BAZ1B: variants seen among roughly 807,000 people sequenced by gnomAD.
BAZ1B encodes tyrosine-protein kinase BAZ1B.
A neutral mutation model predicts 153.8 loss-of-function variants in BAZ1B; 22 were observed. That is an observed-to-expected ratio of 0.14 (90% CI 0.10 to 0.20). BAZ1B has a LOEUF of 0.20. Among genes scored for constraint, BAZ1B ranks in the 10% least tolerant of loss-of-function variants. The pLI, the probability that BAZ1B is intolerant of heterozygous loss-of-function variation, is 1.00. For synonymous variants in BAZ1B, 676 were observed against 633.4 expected (o/e 1.07, Z -1.01); for missense variants, 1,325 against 1,799.3 (o/e 0.74, Z 4.77).
In BAZ1B at chr7:73,489,221, G is replaced by T; in HGVS notation, c.864C>A (p.Phe288Leu). ...TGTATGGATCAAGTAAAAAGTCACTGAACTTGCTGGGCAGAGAGTATTTCT... is the reference window on the plus strand; with the variant it reads ...TGTATGGATCAAGTAAAAAGTCACTTAACTTGCTGGGCAGAGAGTATTTCT... ...LVKKYSLPSKFSDFLLDPYKY... is the reference protein window; with the variant it reads ...LVKKYSLPSKLSDFLLDPYKY... Residue 288 changes from phenylalanine to leucine, a missense_variant, in exon 6 of 20, where the codon TTC becomes TTA. By Grantham distance (22) the Phe-to-Leu change is conservative. Transcript: ENST00000339594. 6.2e-7 allele frequency: 1 copy of T among 1,614,160 alleles called. No homozygotes were observed. The highest frequency in any genetic ancestry group is 1.1e-5 in the South Asian group (1 of 91,062).
intron 13 of BAZ1B, among the ~76,000 whole-genome samples, chr7:73,453,912 A>G (rs1490556601): frequency 6.6e-6 from 1 of 152,194 alleles, no homozygotes; most frequent in Non-Finnish European, 1.5e-5. Context: ...CAAGAGTTTG[A>G]GGCTGTAGTG....
chr7:73,510,705 G>C, intron 2 of BAZ1B, 31 bp downstream of exon 2: 1 of 1,571,394 alleles, frequency 6.4e-7, no homozygotes, highest in Non-Finnish European at 8.8e-7. Context: ...ATGTGAAGAT[G>C]GTGGCAAAGA....
At chr7:73,447,078 C>A (rs1554566843) in intron 16 of BAZ1B, among the ~76,000 whole-genome samples, 186 bp downstream of exon 16, 4 of 152,180 alleles carry the variant, frequency 2.6e-5, no homozygotes, top group African/African-American at 7.2e-5. Context: ...TCCCACCAGG[C>A]AGGAAGTTAA....
chr7:73,442,136 T>TAGC, intron 19 of BAZ1B, 45 bp downstream of exon 19: 1 of 573,490 alleles, frequency 1.7e-6, no homozygotes. Context: ...CTCGCTCGCC[T>TAGC]CCCTCCCACC....
intron 7 of BAZ1B, among the ~76,000 whole-genome samples, chr7:73,472,955 TA>T (rs112979847): frequency 3.5e-4 from 53 of 149,984 alleles, no homozygotes; most frequent in African/African-American, 1.2e-3. Flanking sequence ...TTTTTTTTTT[TA>T]AAAAAGACAA....
chr7:73,492,307 C>T (rs942909651), intron 5 of BAZ1B, among the ~76,000 whole-genome samples: 26 of 152,144 alleles, frequency 1.7e-4, no homozygotes, highest in African/African-American at 5.8e-4. Flanking sequence ...GGACTACATG[C>T]GCCCGCCACC....
chr7:73,498,908 A>G (rs1173123475), intron 3 of BAZ1B, among the ~76,000 whole-genome samples: 1 of 152,254 alleles, frequency 6.6e-6, no homozygotes, highest in African/African-American at 2.4e-5. Context: ...ATAAATGATC[A>G]CAATCTAGGT....
rs532695736 is a variant in BAZ1B at position 73,508,339 on chromosome 7, C to T, written c.357G>A (p.Glu119=). The change falls in exon 3 of 20, where the codon GAG becomes GAA. Residue 119 remains glutamate (E), a synonymous_variant. Transcript: ENST00000339594. The part of the protein sequence containing the change: ...EIMTKYAVGE[E]CDFEVGKEKM... Reference sequence around the variant, plus strand: ...AACAGGCACTCACCTCGAAGTCACACTCTTCTCCCACAGCATATTTGGTCA... The same window carrying T: ...AACAGGCACTCACCTCGAAGTCACATTCTTCTCCCACAGCATATTTGGTCA... The T allele has an allele frequency of 6.2e-7, 1 of 1,613,452 alleles. No homozygotes were observed. The highest frequency in any genetic ancestry group is 1.3e-5 in the African/African-American group (1 of 75,020).
At position 73,450,397 on chromosome 7, in the gene BAZ1B, T is replaced by C. The variant is rs1269556652; in HGVS notation, c.3580+450A>G. Among the ~76,000 whole-genome samples, 1 of 152,180 alleles carries C rather than the reference T, an allele frequency of 6.6e-6. No homozygotes were observed. The highest frequency in any genetic ancestry group is 1.5e-5 in the Non-Finnish European group (1 of 68,024). On this transcript the variant is annotated intron_variant, in intron 14 of 19. Transcript: ENST00000339594. This position sits in a 1 kb window ranked among gnomAD's most constrained non-coding sequence, Gnocchi z 4.1. ...TAACTCAGAAAATAACTCTAGCCAC[T>C]GAAAAGCCAATCAGCAAGGGGCTTC...
intron 4 of BAZ1B, among the ~76,000 whole-genome samples, chr7:73,496,630 C>T (rs960329068): frequency 2.0e-5 from 3 of 152,274 alleles, no homozygotes; most frequent in African/African-American, 7.2e-5. Flanking sequence ...AGAGGCTGAA[C>T]GGTCTTCCCA....
chr7:73,486,029 C>T (rs960746040), intron 6 of BAZ1B, among the ~76,000 whole-genome samples: 2 of 152,178 alleles, frequency 1.3e-5, no homozygotes, highest in Non-Finnish European at 2.9e-5. Context: ...CAAAAAATTA[C>T]GCTGCCCCTA....
intron 3 of BAZ1B, among the ~76,000 whole-genome samples, chr7:73,500,840 G>A (rs1051088176): frequency 7.3e-5 from 11 of 150,374 alleles, no homozygotes; most frequent in African/African-American, 2.2e-4. Context: ...GCAGTGAGCC[G>A]AGATCGCGCC....
intron 1 of BAZ1B, among the ~76,000 whole-genome samples, chr7:73,512,771 G>A (rs1790640620): frequency 6.6e-6 from 1 of 152,182 alleles, no homozygotes; most frequent in African/African-American, 2.4e-5. Flanking sequence ...TATAGTGGTT[G>A]AAATAAAAGT....
chr7:73,454,586 G>C (rs565719685), intron 13 of BAZ1B, among the ~76,000 whole-genome samples: 1 of 152,290 alleles, frequency 6.6e-6, no homozygotes, highest in Non-Finnish European at 1.5e-5. Context: ...TGTAAATGGG[G>C]AGGACAAACA....
At chr7:73,463,236 T>C (rs1788458454) in intron 11 of BAZ1B, 137 bp from the exon 12 acceptor site, 3 of 821,506 alleles carry the variant, frequency 3.7e-6, no homozygotes, top group Non-Finnish European at 5.5e-6. Context: ...TTTTTTCTTT[T>C]TTCTTTTTTT....
chr7:73,459,768 C>T lies in BAZ1B; in HGVS notation c.3250-50G>A, dbSNP rs367902737. ...GACTGAGAAAAGGCCCAGAGGAAGA[C>T]GAAAGGAATCCAACCTCAAATTCAA... On this transcript the variant is annotated intron_variant, in intron 12 of 19. Coordinates refer to ENST00000339594, the MANE Select transcript of BAZ1B (RefSeq NM_032408.4). 4.2e-4 allele frequency: 623 copies of T among 1,482,956 alleles called. 2 individuals carry two copies. The highest frequency in any genetic ancestry group is 5.5e-4 in the Non-Finnish European group (608 of 1,097,428). 91.9% of individuals were successfully genotyped at this position (1,482,956 alleles called of 1,614,324 possible). A position where few individuals can be genotyped will look rare whatever the true frequency, so the allele number is the denominator to read the frequency against.
intron 7 of BAZ1B, among the ~76,000 whole-genome samples, chr7:73,473,636 G>A (rs1253287898): frequency 1.3e-5 from 2 of 152,124 alleles, no homozygotes; most frequent in African/African-American, 4.8e-5. Context: ...ATATTTCAAT[G>A]GCCTTAAGTA....
chr7:73,463,232 CTTTTTTCTTTTTTTTT>C lies in BAZ1B; in HGVS notation c.3072-149_3072-134del, dbSNP rs1788458027. 2.5e-5 allele frequency: 16 copies of C among 638,504 alleles called. No individual in the cohort carries two copies. The East Asian group carries it at 4.5e-4, about 18-fold the overall frequency. 39.6% of individuals were successfully genotyped at this position (638,504 alleles called of 1,614,324 possible). On this transcript the variant is annotated intron_variant, in intron 11 of 19. Coordinates refer to ENST00000339594, the MANE Select transcript of BAZ1B (RefSeq NM_032408.4). ...CTTTCACCTCTCCCTGGTGTTTTTTCTTTTTTCTTTTTTTTTTTTTTTTTTCCCCCGAGACAGGGTC... is the reference window on the plus strand; with the variant it reads ...CTTTCACCTCTCCCTGGTGTTTTTTCTTTTTTTTTCCCCCGAGACAGGGTC...
chr7:73,465,353 A>C, intron 11 of BAZ1B, 86 bp downstream of exon 11: 1 of 893,644 alleles, frequency 1.1e-6, no homozygotes, highest in East Asian at 2.6e-5. Flanking sequence ...TTAGTAACTT[A>C]AATGGATAAG....
Sources: gnomAD v4.1 joint callset for allele counts (sites outside exome capture counted in the v4.1 genomes callset) on GRCh38, gnomAD v4.1.1 for gene constraint, Gnocchi (gnomAD v3.1) non-coding constraint, MANE v1.5 for transcripts, NCBI Gene and HGNC (gene_info 2026-07-23, HGNC 2026-07-21) for gene names.